RETREG1: variants seen among roughly 807,000 people sequenced by gnomAD.
The protein encoded by RETREG1 is family with sequence similarity 134 member B.
Under a neutral mutation model 54.8 loss-of-function variants are expected in RETREG1, and 44 were observed. That is an observed-to-expected ratio of 0.80 (90% confidence interval 0.63 to 1.03). The LOEUF is 1.03. RETREG1 is among the 50% of genes least tolerant of loss of function. The probability of loss-of-function intolerance (pLI) is 0.00; values close to 1 mark genes in which losing one functional copy is unlikely to be tolerated. For synonymous variants in RETREG1, 217 were observed against 238.5 expected (o/e 0.91, Z 0.83); for missense variants, 554 against 605.1 (o/e 0.92, Z 0.89).
At chr5:16,504,194 G>A (rs1561093165) in intron 3 of RETREG1, among the ~76,000 whole-genome samples, 2 of 152,148 alleles carry the variant, frequency 1.3e-5, no homozygotes, top group Admixed American at 1.3e-4. Context: ...CGAGGATAAC[G>A]GCTTCCAGCT....
rs1378005831 is a variant in RETREG1 at position 16,561,972 on chromosome 5, G to A, written c.458+3791C>T. On this transcript the variant is annotated intron_variant, in intron 3 of 8. Transcript: ENST00000306320. The surrounding 1 kb of genome is among the most constrained non-coding windows in gnomAD (Gnocchi z 4.2). ...ATCTTTCCCCAACCACAGTTAGAGA[G>A]AAAGCCTCGATTTCCTTGCCTGACA... 1.3e-5 allele frequency among the ~76,000 whole-genome samples: 2 copies of A among 152,278 alleles called. No homozygotes were observed. The highest frequency in any genetic ancestry group is 3.9e-4 in the East Asian group (2 of 5,178).
chr5:16,537,671 C>T (rs923108484), intron 3 of RETREG1, among the ~76,000 whole-genome samples: 1 of 152,144 alleles, frequency 6.6e-6, no homozygotes, highest in African/African-American at 2.4e-5. Flanking sequence ...GCACTCCAGC[C>T]TGGGGACAGA....
intron 1 of RETREG1, among the ~76,000 whole-genome samples, chr5:16,603,853 C>T (rs1226495587): frequency 5.7e-5 from 8 of 140,346 alleles, no homozygotes; most frequent in Non-Finnish European, 1.3e-4. Context: ...AAGGGCCACC[C>T]ACCCCCCACC....
chr5:16,563,550 G>A (rs1372013926), intron 3 of RETREG1, among the ~76,000 whole-genome samples: 2 of 152,070 alleles, frequency 1.3e-5, no homozygotes, highest in African/African-American at 4.8e-5. Context: ...GTAAGCCACC[G>A]TGCCTGGCCT....
chr5:16,523,002 A>G (rs1740585505), intron 3 of RETREG1, among the ~76,000 whole-genome samples: 1 of 152,142 alleles, frequency 6.6e-6, no homozygotes, highest in South Asian at 2.1e-4. Flanking sequence ...TCTCCAAAAG[A>G]AAAAAGAAGA....
At chr5:16,486,728 T>G (rs113541229) in intron 3 of RETREG1, among the ~76,000 whole-genome samples, 1 of 152,308 alleles carries the variant, frequency 6.6e-6, no homozygotes, top group South Asian at 2.1e-4. Context: ...AAGGAGCATT[T>G]CATGTTCCTC....
intron 3 of RETREG1, among the ~76,000 whole-genome samples, chr5:16,502,456 G>C (rs1461034491): frequency 6.6e-6 from 1 of 152,172 alleles, no homozygotes; most frequent in African/African-American, 2.4e-5. Context: ...AATAATAAAC[G>C]TGGGTCAATC....
At chr5:16,566,263 G>A (rs568603130) in intron 2 of RETREG1, among the ~76,000 whole-genome samples, 1 of 152,246 alleles carries the variant, frequency 6.6e-6, no homozygotes, top group East Asian at 1.9e-4. Flanking sequence ...CCGACAAAAG[G>A]AGAACTAAGA....
chr5:16,477,825 A>T (rs192466215), intron 7 of RETREG1, 37 bp from the exon 8 acceptor site: 563 of 1,612,598 alleles, frequency 3.5e-4, no homozygotes, highest in African/African-American at 2.2e-3. Context: ...GGCACATTTT[A>T]AACTGCTGAA....
intron 1 of RETREG1, among the ~76,000 whole-genome samples, chr5:16,581,526 AACACACACACACACACACAC>A (rs3993834): frequency 7.0e-6 from 1 of 143,730 alleles, no homozygotes; most frequent in Admixed American, 6.8e-5. Flanking sequence ...TCAGAAACAC[AACACACACACACACACACAC>A]ACACACACAC....
At chr5:16,553,180 T>C (rs1408762142) in intron 3 of RETREG1, among the ~76,000 whole-genome samples, 1 of 147,476 alleles carries the variant, frequency 6.8e-6, no homozygotes, top group Non-Finnish European at 1.5e-5. Context: ...CAGTGCACAC[T>C]ATGGAAAAAA....
At chr5:16,605,626 G>A (rs1048165453) in intron 1 of RETREG1, among the ~76,000 whole-genome samples, 4 of 152,144 alleles carry the variant, frequency 2.6e-5, no homozygotes, top group East Asian at 1.9e-4. Context: ...AGTCCACTTC[G>A]GTGGCTGTAG....
chr5:16,592,645 A>G (rs1742805534), intron 1 of RETREG1, among the ~76,000 whole-genome samples: 1 of 152,216 alleles, frequency 6.6e-6, no homozygotes, highest in Non-Finnish European at 1.5e-5. Context: ...ACACAGAATC[A>G]ACCTAAATGC....
chr5:16,572,383 T>C (rs1742200109), intron 1 of RETREG1, among the ~76,000 whole-genome samples: 1 of 152,120 alleles, frequency 6.6e-6, no homozygotes, highest in South Asian at 2.1e-4. Context: ...AAGCTCATTT[T>C]TGTATTTTTA....
Position 16,481,100 on chromosome 5 carries a change from A to T in RETREG1, c.586-7T>A. The T allele has an allele frequency of 1.9e-6, 3 of 1,598,076 alleles. No individual in the cohort carries two copies. Among genetic ancestry groups the T allele is most frequent in the Non-Finnish European group, 2.6e-6 (3 of 1,166,236 alleles). ...TACAGACCAGGAGACAAAACTGGAA[A>T]TAATAGAAATAACATGGGATAGTTA... On this transcript the variant is annotated splice_polypyrimidine_tract_variant and splice_region_variant and intron_variant, in intron 4 of 8. Coordinates refer to ENST00000306320, the MANE Select transcript of RETREG1 (RefSeq NM_001034850.3).
chr5:16,530,490 T>C (rs780582887), intron 3 of RETREG1, among the ~76,000 whole-genome samples: 4 of 152,226 alleles, frequency 2.6e-5, no homozygotes, highest in Admixed American at 6.5e-5. Context: ...GTGGCTTAAA[T>C]AGATGATCTG....
intron 3 of RETREG1, among the ~76,000 whole-genome samples, chr5:16,491,512 T>A (rs1739244535): frequency 6.6e-6 from 1 of 152,220 alleles, no homozygotes; most frequent in Non-Finnish European, 1.5e-5. Context: ...CAGTGGTTAT[T>A]TGGTGGCACC....
At chr5:16,592,089 A>G (rs1561132624) in intron 1 of RETREG1, among the ~76,000 whole-genome samples, 3 of 152,226 alleles carry the variant, frequency 2.0e-5, no homozygotes, top group South Asian at 4.1e-4. Flanking sequence ...AGGTAAAATA[A>G]TAACAAAGAA....
intron 3 of RETREG1, among the ~76,000 whole-genome samples, chr5:16,553,214 A>G (rs1741592316): frequency 6.6e-6 from 1 of 152,222 alleles, no homozygotes; most frequent in Admixed American, 6.5e-5. Flanking sequence ...GTGCAAAAAG[A>G]GCAGATAAAT....
Sources: gnomAD v4.1 joint callset for allele counts (sites outside exome capture counted in the v4.1 genomes callset) on GRCh38, gnomAD v4.1.1 for gene constraint, Gnocchi (gnomAD v3.1) non-coding constraint, MANE v1.5 for transcripts, NCBI Gene and HGNC (gene_info 2026-07-23, HGNC 2026-07-21) for gene names.